COL5A3: variants seen among roughly 807,000 people sequenced by gnomAD.
COL5A3 encodes collagen type V alpha 3 chain.
A neutral mutation model predicts 250.0 loss-of-function variants in COL5A3; 172 were observed. The ratio of observed to expected loss-of-function variants is 0.69; its 90% CI spans 0.61 to 0.78. COL5A3 has a LOEUF of 0.78. Among genes scored for constraint, COL5A3 ranks in the 30% least tolerant of loss-of-function variants. The pLI is 0.00. For synonymous variants in COL5A3, 937 were observed against 900.4 expected (o/e 1.04, Z -0.73); for missense variants, 2,340 against 2,334.4 (o/e 1.00, Z -0.05).
intron 51 of COL5A3, among the ~76,000 whole-genome samples, chr19:9,971,913 C>A (rs960550468): frequency 1.3e-5 from 2 of 149,696 alleles, no homozygotes; most frequent in Admixed American, 1.3e-4. Context: ...GCCATGAAAT[C>A]AACTTTCTTG....
Position 9,977,442 on chromosome 19 carries a change from T to C in COL5A3, c.3157A>G (p.Lys1053Glu). 6.6e-7 allele frequency: 1 copy of C among 1,522,372 alleles called. No individual in the cohort carries two copies. 94.3% of individuals were successfully genotyped at this position (1,522,372 alleles called of 1,614,324 possible). ...CCCAGGGGCCCTGGGATCCCATCTT[T>C]GCCAGTGGGGCCAGGGGGGCCACGT... is the stretch of plus-strand genomic sequence containing the variant. ...GERGPPGPTG[K>E]DGIPGPLGPL... The change falls in exon 43 of 67, where the codon AAA becomes GAA. Residue 1053 changes from lysine to glutamate, a missense_variant. Lys to Glu is a moderately conservative substitution (Grantham distance 56). Transcript: ENST00000264828.
chr19:9,983,598 A>AAGAAAGAAAGAAAGAG (rs2087048207), intron 31 of COL5A3, among the ~76,000 whole-genome samples: 1 of 84,420 alleles, frequency 1.2e-5, no homozygotes, highest in African/African-American at 5.0e-5. Flanking sequence ...GAAAGAAAGA[A>AAGAAAGAAAGAAAGAG]AGAGAAAGAG....
chr19:9,987,036 A>G (rs2087111283), intron 27 of COL5A3, among the ~76,000 whole-genome samples: 1 of 152,178 alleles, frequency 6.6e-6, no homozygotes. Context: ...TCCTTCTGGC[A>G]GGAGAAAGAG....
chr19:9,995,680 G>T, intron 15 of COL5A3, 63 bp from the exon 16 acceptor site: 1 of 1,313,210 alleles, frequency 7.6e-7, no homozygotes, highest in Non-Finnish European at 1.1e-6. Context: ...TTATTCTATT[G>T]TATTAAAAAA....
At chr19:9,976,488 A>T in intron 45 of COL5A3, 70 bp downstream of exon 45, 1 of 1,190,452 alleles carries the variant, frequency 8.4e-7, no homozygotes, top group Non-Finnish European at 1.2e-6. Flanking sequence ...GTGTGCTTCC[A>T]CTGTCGTTTG....
intron 19 of COL5A3, 109 bp from the exon 20 acceptor site, chr19:9,993,176 C>T (rs1248019997): frequency 3.2e-6 from 4 of 1,255,800 alleles, no homozygotes; most frequent in African/African-American, 3.0e-5. Flanking sequence ...GACCAGGATC[C>T]CTGGGAACCT....
At chr19:9,989,608 T>C in intron 24 of COL5A3, 86 bp from the exon 25 acceptor site, 3 of 1,255,412 alleles carry the variant, frequency 2.4e-6, no homozygotes, top group Middle Eastern at 4.9e-4. Flanking sequence ...TGCAGCCGCC[T>C]CAAGGTTAAG....
Position 9,969,752 on chromosome 19 carries a change from C to T in COL5A3, c.3991-70G>A, listed in dbSNP as rs140853729. 317 of 1,573,408 alleles carry T rather than the reference C, an allele frequency of 2.0e-4. 3 individuals are homozygous for T. In the African/African-American group the frequency reaches 3.9e-3, roughly 20 times the overall value. On this transcript the variant is annotated intron_variant, in intron 55 of 66. Transcript: ENST00000264828. The stretch of plus-strand genomic sequence containing the variant: ...CTGCCTCCTGACCCCTGCCAAGAAG[C>T]ATCTGGGATCGGGAGGGAGTAGGTG...
At chr19:9,994,339 T>C (rs1418735965) in intron 16 of COL5A3, among the ~76,000 whole-genome samples, 1 of 150,914 alleles carries the variant, frequency 6.6e-6, no homozygotes, top group African/African-American at 2.4e-5. Context: ...CCACCACACC[T>C]GGCTAATTTT....
At chr19:9,991,535 TG>T in intron 24 of COL5A3, 74 bp downstream of exon 24, 1 of 1,295,902 alleles carries the variant, frequency 7.7e-7, no homozygotes, top group Non-Finnish European at 1.1e-6. Flanking sequence ...GGGGTCTTGG[TG>T]GGAAGATTTT....
intron 34 of COL5A3, 49 bp from the exon 35 acceptor site, chr19:9,980,741 A>T (rs1434732107): frequency 1.9e-6 from 3 of 1,614,066 alleles, no homozygotes; most frequent in Non-Finnish European, 2.5e-6. Context: ...CTCAACTGGG[A>T]AGAATTTGGA....
chr19:10,005,694 C>A lies in COL5A3; in HGVS notation c.458G>T (p.Ser153Ile). 1 of 1,611,356 alleles carries A rather than the reference C, an allele frequency of 6.2e-7. No homozygotes were observed. Among genetic ancestry groups the A allele is most frequent in the Non-Finnish European group, 8.5e-7 (1 of 1,177,996 alleles). ...TDGRWHRVAVSIDGEMVTLVA... is the reference protein window; with the variant it reads ...TDGRWHRVAVIIDGEMVTLVA... ...CAGGGTCACCATCTCACCATCTATG[C>A]TGACGGCCACACGGTGCCACCTGCA... The change falls in exon 4 of 67, where the codon AGC becomes ATC. Residue 153 changes from serine (S) to isoleucine (I), a missense_variant. Around this residue, in one of 3 missense-constraint regions of COL5A3, gnomAD observed 1,152 missense variants for 1,146.3 expected, o/e 1.00. Coordinates refer to ENST00000264828, the MANE Select transcript of COL5A3 (RefSeq NM_015719.4).
At chr19:9,978,118 G>A (rs1034382202) in intron 41 of COL5A3, among the ~76,000 whole-genome samples, 1 of 151,582 alleles carries the variant, frequency 6.6e-6, no homozygotes, top group African/African-American at 2.4e-5. Flanking sequence ...AAGAAAAGGG[G>A]TTTTTATATG....
At chr19:9,995,866 A>G in intron 15 of COL5A3, 200 bp downstream of exon 15, 1 of 595,008 alleles carries the variant, frequency 1.7e-6, no homozygotes, top group Non-Finnish European at 2.9e-6. Context: ...CTGGTCTTGA[A>G]CTCCTGGCCT....
chr19:9,979,296 G>A, intron 38 of COL5A3, 57 bp from the exon 39 acceptor site: 1 of 1,602,004 alleles, frequency 6.2e-7, no homozygotes, highest in Non-Finnish European at 8.6e-7. Flanking sequence ...TCGCTCAGGA[G>A]TCCAGCTTTC....
intron 27 of COL5A3, 122 bp downstream of exon 27, chr19:9,989,002 A>G (rs1568422616): frequency 1.0e-6 from 1 of 988,276 alleles, no homozygotes; most frequent in Non-Finnish European, 1.6e-6. Flanking sequence ...CCCCAGTCCC[A>G]CTACATTTGG....
At chr19:9,986,793 T>G in intron 27 of COL5A3, 35 bp from the exon 28 acceptor site, 1 of 1,610,238 alleles carries the variant, frequency 6.2e-7, no homozygotes, top group Non-Finnish European at 8.5e-7. Flanking sequence ...TCAAGCCTCT[T>G]CCCTGCTTAA....
At position 9,993,611 on chromosome 19, in the gene COL5A3, A is replaced by T; in HGVS notation, c.1695+8T>A. On this transcript the variant is annotated splice_region_variant and intron_variant, in intron 18 of 66. Coordinates refer to ENST00000264828, the MANE Select transcript of COL5A3 (RefSeq NM_015719.4). ...CTTAGACTTGGGGGAGGGACCTCAC[A>T]CACTCACCCTTTGGCCCTTCTCACC... 6.2e-7 allele frequency: 1 copy of T among 1,613,828 alleles called. No homozygotes were observed. Among genetic ancestry groups the T allele is most frequent in the Non-Finnish European group, 8.5e-7 (1 of 1,179,842 alleles).
At chr19:9,965,150 C>CTT (rs931756823) in intron 64 of COL5A3, among the ~76,000 whole-genome samples, 2 of 137,608 alleles carry the variant, frequency 1.5e-5, no homozygotes, top group Non-Finnish European at 1.6e-5. Flanking sequence ...TTTTTCTTTT[C>CTT]TTTTTCTTTT....
Sources: allele counts gnomAD v4.1 joint callset (sites outside exome capture counted in the v4.1 genomes callset), GRCh38; gene constraint gnomAD v4.1.1; regional missense constraint gnomAD v4.1.1; transcripts MANE v1.5; gene names NCBI Gene and HGNC (gene_info 2026-07-23, HGNC 2026-07-21).